Variants in EPHB1 observed in about 807,000 individuals in gnomAD.
EPHB1 encodes ephrin type-B receptor 1.
Under a neutral mutation model 94.4 loss-of-function variants are expected in EPHB1, and 30 were observed. The observed-to-expected ratio is 0.32, with a 90% CI of 0.24 to 0.43. The LOEUF (loss-of-function observed/expected upper bound fraction) is 0.43, where lower values mean the gene tolerates loss of function less well. Among genes scored for constraint, EPHB1 ranks in the 20% least tolerant of loss-of-function variants. The pLI is 1.00. For synonymous variants in EPHB1, 522 were observed against 489.1 expected, an observed-to-expected ratio of 1.07 and a Z score of -0.89; for missense variants, 1,055 against 1,308.3, an observed-to-expected ratio of 0.81 and a Z score of 2.99.
chr3:134,982,696 AGTATCAC>A (rs1256069938), intron 3 of EPHB1, among the ~76,000 whole-genome samples: 3 of 152,208 alleles, frequency 2.0e-5, no homozygotes, highest in Non-Finnish European at 4.4e-5. Flanking sequence ...ATGACAAGTC[AGTATCAC>A]AGCTCGAAGA....
chr3:135,015,120 A>G (rs1935751519), intron 3 of EPHB1, among the ~76,000 whole-genome samples: 1 of 152,096 alleles, frequency 6.6e-6, no homozygotes, highest in African/African-American at 2.4e-5. Flanking sequence ...GTGCGTGGCC[A>G]TTCCAGCAAC....
In EPHB1 at chr3:135,224,626, T is replaced by A. The variant is rs535005456; in HGVS notation, c.2347-16522T>A. Among the ~76,000 whole-genome samples the A allele has an allele frequency of 1.9e-3, 292 of 152,322 alleles. 1 individual carries two copies. Among genetic ancestry groups the A allele is most frequent in the African/African-American group, 6.8e-3 (281 of 41,568 alleles). On this transcript the variant is annotated intron_variant, in intron 12 of 15. Coordinates refer to ENST00000398015, the MANE Select transcript of EPHB1 (RefSeq NM_004441.5). ...GGCCATGCAAATATCCTGCTCCTCA[T>A]AAAAATTCACCTCACTGCCCCCCAA...
intron 1 of EPHB1, among the ~76,000 whole-genome samples, chr3:134,883,512 T>C (rs2037803877): frequency 6.6e-6 from 1 of 152,222 alleles, no homozygotes; most frequent in Admixed American, 6.5e-5. Context: ...TATTTAATCC[T>C]TGTGTTTTAA....
intron 1 of EPHB1, among the ~76,000 whole-genome samples, chr3:134,847,550 A>G (rs905782413): frequency 2.6e-5 from 4 of 152,180 alleles, no homozygotes; most frequent in Admixed American, 6.5e-5. Flanking sequence ...AGGGAAGACA[A>G]TTCCTGATTC....
At chr3:135,210,081 G>A (rs893740921) in intron 12 of EPHB1, among the ~76,000 whole-genome samples, 1 of 152,224 alleles carries the variant, frequency 6.6e-6, no homozygotes, top group African/African-American at 2.4e-5. Flanking sequence ...AGGAGTAGAA[G>A]AGTTGGGAAT....
chr3:134,829,796 T>A (rs764230003), intron 1 of EPHB1, among the ~76,000 whole-genome samples: 1 of 152,092 alleles, frequency 6.6e-6, no homozygotes, highest in African/African-American at 2.4e-5. Context: ...GGTGTCCTTA[T>A]AAAAATGGGA....
intron 15 of EPHB1, among the ~76,000 whole-genome samples, chr3:135,256,769 GC>G (rs1372377172): frequency 2.0e-5 from 3 of 152,044 alleles, no homozygotes; most frequent in African/African-American, 7.3e-5. Flanking sequence ...GGCCTGCCTT[GC>G]CAGATTGGGG....
intron 15 of EPHB1, among the ~76,000 whole-genome samples, chr3:135,252,478 T>A (rs1216000810): frequency 4.0e-5 from 6 of 149,050 alleles, no homozygotes; most frequent in African/African-American, 1.2e-4. Context: ...TGGTTTTTTG[T>A]TCTCCCGATA....
chr3:135,032,044 G>T (rs1936489967), intron 3 of EPHB1, among the ~76,000 whole-genome samples: 1 of 151,948 alleles, frequency 6.6e-6, no homozygotes, highest in African/African-American at 2.4e-5. Flanking sequence ...TTTTATCCCT[G>T]AAATTCTGAA....
intron 5 of EPHB1, among the ~76,000 whole-genome samples, chr3:135,144,448 C>T (rs1940943256): frequency 6.6e-6 from 1 of 152,198 alleles, no homozygotes; most frequent in African/African-American, 2.4e-5. Flanking sequence ...GGATGTTGCT[C>T]TAGATTCTGC....
intron 3 of EPHB1, among the ~76,000 whole-genome samples, chr3:134,972,596 G>T (rs1282654478): frequency 1.4e-5 from 2 of 144,648 alleles, no homozygotes; most frequent in African/African-American, 5.0e-5. Context: ...TATTAAAGAG[G>T]TAATGTCAAA....
intron 9 of EPHB1, among the ~76,000 whole-genome samples, chr3:135,169,003 G>A (rs957755200): frequency 6.6e-6 from 1 of 152,108 alleles, no homozygotes; most frequent in Non-Finnish European, 1.5e-5. Context: ...CATTGGGTGG[G>A]GTGAAACTTT....
intron 3 of EPHB1, among the ~76,000 whole-genome samples, chr3:134,972,665 A>C (rs1578243320): frequency 6.6e-6 from 1 of 151,708 alleles, no homozygotes; most frequent in Non-Finnish European, 1.5e-5. Flanking sequence ...TTTTAACACA[A>C]AAATTGCAAT....
Position 135,254,841 on chromosome 3 carries a change from G to A in EPHB1, c.2847-4171G>A, listed in dbSNP as rs573116350. On this transcript the variant is annotated intron_variant, in intron 15 of 15. Transcript: ENST00000398015. ...ATAGAATTCGGCTGTGAATCCATCTGGTCCTGGACTCTTTTTGGTTGGTAA... is the reference window on the plus strand; with the variant it reads ...ATAGAATTCGGCTGTGAATCCATCTAGTCCTGGACTCTTTTTGGTTGGTAA... Among the ~76,000 whole-genome samples the A allele has an allele frequency of 1.5e-3, 225 of 152,180 alleles. 2 individuals carry two copies. Among genetic ancestry groups the A allele is most frequent in the African/African-American group, 5.3e-3 (219 of 41,506 alleles).
chr3:135,007,311 A>G (rs62273106), intron 3 of EPHB1, among the ~76,000 whole-genome samples: 3,596 of 152,286 alleles, frequency 0.024, 60 homozygotes, highest in Middle Eastern at 0.068. Context: ...ATTGTTGGAA[A>G]GATTGTTTCA....
At chr3:134,973,425 C>CTTTTT (rs10664147) in intron 3 of EPHB1, among the ~76,000 whole-genome samples, 918 of 90,988 alleles carry the variant, frequency 0.01, 88 homozygotes, top group African/African-American at 0.024. Context: ...GTCTTCTAGT[C>CTTTTT]TTTTTTTTTT....
At position 135,249,444 on chromosome 3, in the gene EPHB1, C is replaced by T; in HGVS notation, c.2799C>T (p.Leu933=). 6.2e-7 allele frequency: 1 copy of T among 1,614,034 alleles called. No homozygotes were observed. The highest frequency in any genetic ancestry group is 8.5e-7 in the Non-Finnish European group (1 of 1,179,890). Residue 933 remains leucine, a synonymous_variant, in exon 15 of 16, where the codon CTC becomes CTT. Transcript: ENST00000398015. ...TGGTCCAGTACAGGGACAGCTTCCT[C>T]ACTGCTGGCTTCACCTCCCTCCAGC... ...IKMVQYRDSF[L]TAGFTSLQLV...
chr3:134,857,074 G>A (rs2037137478), intron 1 of EPHB1, among the ~76,000 whole-genome samples: 1 of 152,206 alleles, frequency 6.6e-6, no homozygotes, highest in Non-Finnish European at 1.5e-5. Context: ...CGACTGGGGT[G>A]GGGTGTCGTG....
At chr3:134,803,218 C>G (rs1484904805) in intron 1 of EPHB1, among the ~76,000 whole-genome samples, 1 of 152,194 alleles carries the variant, frequency 6.6e-6, no homozygotes, top group African/African-American at 2.4e-5. Flanking sequence ...TCTCTCATCT[C>G]TCCCCTCCCA....
Sources: gnomAD v4.1 joint callset for allele counts (sites outside exome capture counted in the v4.1 genomes callset) on GRCh38, gnomAD v4.1.1 for gene constraint, MANE v1.5 for transcripts, NCBI Gene and HGNC (gene_info 2026-07-23, HGNC 2026-07-21) for gene names.